The following PPP1R12B variants were observed in gnomAD, a reference collection of about 807,000 sequenced individuals.
The protein encoded by PPP1R12B is protein phosphatase 1 regulatory subunit 12B.
In PPP1R12B, 76 loss-of-function variants were observed where a neutral mutation model predicts 126.1. That is an observed-to-expected ratio of 0.60 (90% CI 0.50 to 0.73). PPP1R12B has a LOEUF of 0.73. Among genes scored for constraint, PPP1R12B ranks in the 30% least tolerant of loss-of-function variants. PPP1R12B has a pLI of 0.00. For synonymous variants in PPP1R12B, 356 were observed against 434.7 expected, an observed-to-expected ratio of 0.82 and a Z score of 2.25; for missense variants, 1,052 against 1,205.1, an observed-to-expected ratio of 0.87 and a Z score of 1.88.
At chr1:202,439,175 C>T in intron 10 of PPP1R12B, 1 of 1,569,384 alleles carries the variant, frequency 6.4e-7, no homozygotes, top group Non-Finnish European at 8.8e-7. Context: ...GGCGGCCTCG[C>T]AGCTGAAGCT....
At position 202,348,897 on chromosome 1, in the gene PPP1R12B, C is replaced by G. The variant is rs1655398308; in HGVS notation, c.46C>G (p.Arg16Gly). 5 of 1,610,624 alleles carry G rather than the reference C, an allele frequency of 3.1e-6. No individual in the cohort carries two copies. Among genetic ancestry groups the G allele is most frequent in the Non-Finnish European group, 4.2e-6 (5 of 1,179,260 alleles). ...AGGAGGGAAGCGGGCAGAGTCGGCGCGAATGCGGCGGGCAGAGCAGCTTCG... is the reference window on the plus strand; with the variant it reads ...AGGAGGGAAGCGGGCAGAGTCGGCGGGAATGCGGCGGGCAGAGCAGCTTCG... ...HLGGKRAESA[R>G]MRRAEQLRRW... is the part of the protein sequence containing the mutation. The change falls in exon 1 of 24, where the codon CGA (arginine) becomes GGA (glycine). Residue 16 changes from arginine to glycine, a missense_variant. By Grantham distance (125) the Arg-to-Gly change is moderately radical (BLOSUM62 -2). Transcript: ENST00000608999.
chr1:202,569,083 G>A, intron 22 of PPP1R12B, 64 bp from the exon 23 acceptor site: 1 of 1,538,768 alleles, frequency 6.5e-7, no homozygotes, highest in South Asian at 1.1e-5. Flanking sequence ...CAGCAGCTGG[G>A]AGGCAGCATT....
chr1:202,350,337 G>A (rs747095555), intron 1 of PPP1R12B, among the ~76,000 whole-genome samples: 1 of 152,118 alleles, frequency 6.6e-6, no homozygotes, highest in Non-Finnish European at 1.5e-5. Flanking sequence ...CTTACCCCAT[G>A]TGAGTTTCAG....
intron 1 of PPP1R12B, among the ~76,000 whole-genome samples, chr1:202,401,906 G>A (rs1397219551): frequency 6.6e-6 from 1 of 151,906 alleles, no homozygotes; most frequent in African/African-American, 2.4e-5. Flanking sequence ...TTGAAAGCAA[G>A]GTAACACACA....
chr1:202,420,539 C>G (rs1034224371), intron 2 of PPP1R12B, among the ~76,000 whole-genome samples: 6 of 152,142 alleles, frequency 3.9e-5, no homozygotes, highest in Non-Finnish European at 8.8e-5. Context: ...ATAGGGCACA[C>G]TTCAATCCAG....
At chr1:202,569,056 T>C (rs1270421143) in intron 22 of PPP1R12B, 91 bp from the exon 23 acceptor site, 2 of 1,404,454 alleles carry the variant, frequency 1.4e-6, no homozygotes, top group Non-Finnish European at 2.0e-6. Flanking sequence ...CCTTTGACCG[T>C]GAATCTGCTG....
rs1304867576 is a variant in PPP1R12B at position 202,458,369 on chromosome 1, G to A, written c.1850+9198G>A. Among the ~76,000 whole-genome samples, 4 of 108,686 alleles carry A rather than the reference G, an allele frequency of 3.7e-5. 1 individual carries two copies. Among genetic ancestry groups the A allele is most frequent in the Non-Finnish European group, 8.2e-5 (4 of 48,954 alleles). 71.3% of individuals were successfully genotyped at this position (108,686 alleles called of 152,430 possible). On this transcript the variant is annotated intron_variant, in intron 13 of 23. Transcript: ENST00000608999. ...GGACGTGGGAGTGGTTAGGGAATTT[G>A]CAGCATTTTCCAAATTTCTGAGTCC...
At position 202,528,020 on chromosome 1, in the gene PPP1R12B, C is replaced by G. The variant is rs1212009643; in HGVS notation, c.2491-30857C>G. On this transcript the variant is annotated intron_variant, in intron 18 of 23. Transcript: ENST00000608999. ...GTGCTCATCCTTCTGTGTGGACCAG[C>G]TTTGCTCTTTGATTCCAGTTATTTT... Among the ~76,000 whole-genome samples, 5 of 152,296 alleles carry G rather than the reference C, an allele frequency of 3.3e-5. No homozygotes were observed. The East Asian group carries it at 5.8e-4, about 18-fold the overall frequency.
At chr1:202,373,751 T>G (rs1166877812) in intron 1 of PPP1R12B, among the ~76,000 whole-genome samples, 2 of 152,072 alleles carry the variant, frequency 1.3e-5, no homozygotes, top group Non-Finnish European at 2.9e-5. Context: ...ATTAAGGAAT[T>G]TTCTTATTTC....
rs753463227 is a variant in PPP1R12B, at chr1:202,437,906, G to C, written c.1340G>C (p.Ser447Thr). ...SWRLGLRKTG[S>T]HNMLSEVANS... ...AGATTGGGACTGAGAAAAACTGGCA[G>C]CCACAACATGCTGAGTGAGGTGGCC... The change falls in exon 10 of 24, where the codon AGC becomes ACC. Residue 447 changes from serine (S) to threonine (T), a missense_variant. Transcript: ENST00000608999. 8 of 1,613,934 alleles carry C rather than the reference G, an allele frequency of 5.0e-6. No homozygotes were observed. The South Asian group carries it at 7.7e-5, about 16-fold the overall frequency.
At chr1:202,457,736 A>G (rs71524468) in intron 13 of PPP1R12B, among the ~76,000 whole-genome samples, 8,264 of 152,234 alleles carry the variant, frequency 0.054, 309 homozygotes, top group Non-Finnish European at 0.085. Flanking sequence ...TAGGGTGACA[A>G]GGAAGGCCTA....
chr1:202,442,406 G>A (rs772664401), intron 11 of PPP1R12B, 41 bp from the exon 12 acceptor site: 2 of 1,587,494 alleles, frequency 1.3e-6, no homozygotes, highest in Non-Finnish European at 1.7e-6. Context: ...AAAAACTGGT[G>A]GTAGGAATCA....
chr1:202,437,239 G>T (rs552742914), intron 9 of PPP1R12B, among the ~76,000 whole-genome samples: 136 of 152,182 alleles, frequency 8.9e-4, no homozygotes, highest in Non-Finnish European at 1.6e-3. Flanking sequence ...GGCTGAGGGG[G>T]AGGATTGCTT....
intron 18 of PPP1R12B, among the ~76,000 whole-genome samples, chr1:202,506,741 T>G (rs920538105): frequency 6.6e-6 from 1 of 152,240 alleles, no homozygotes; most frequent in Non-Finnish European, 1.5e-5. Flanking sequence ...CTTAAAACTC[T>G]GCTGGAGCTT....
At chr1:202,511,193 C>T (rs1681452735) in intron 18 of PPP1R12B, among the ~76,000 whole-genome samples, 1 of 150,450 alleles carries the variant, frequency 6.6e-6, no homozygotes, top group South Asian at 2.1e-4. Flanking sequence ...ACTCATCATG[C>T]AAGCAGTGTA....
intron 1 of PPP1R12B, among the ~76,000 whole-genome samples, chr1:202,415,520 C>T (rs1667951352): frequency 6.6e-6 from 1 of 152,178 alleles, no homozygotes; most frequent in Admixed American, 6.5e-5. Flanking sequence ...CCTGAATTAT[C>T]CCAATGGTTT....
At position 202,452,323 on chromosome 1, in the gene PPP1R12B, G is replaced by A. The variant is rs868684474; in HGVS notation, c.1850+3152G>A. Among the ~76,000 whole-genome samples the A allele has an allele frequency of 1.1e-4, 16 of 152,312 alleles. No homozygotes were observed. In the Middle Eastern group the frequency reaches 0.01, roughly 97 times the overall value. On this transcript the variant is annotated intron_variant, in intron 13 of 23. Transcript: ENST00000608999. ...GGCACCTCGGGAGGCCAAGGCTGGC[G>A]GATCACTCGCGGTTAGGAGCTGGAG...
At chr1:202,364,289 T>C (rs951978071) in intron 1 of PPP1R12B, among the ~76,000 whole-genome samples, 1 of 152,184 alleles carries the variant, frequency 6.6e-6, no homozygotes, top group Non-Finnish European at 1.5e-5. Flanking sequence ...TGATACCTTA[T>C]AGTTGTATTC....
intron 13 of PPP1R12B, among the ~76,000 whole-genome samples, chr1:202,459,261 A>G (rs1361337723): frequency 2.0e-5 from 3 of 152,016 alleles, no homozygotes; most frequent in African/African-American, 7.3e-5. Flanking sequence ...TTTTTTCTGT[A>G]TTTTCCAAAG....
Sources: allele counts gnomAD v4.1 joint callset (sites outside exome capture counted in the v4.1 genomes callset), GRCh38; gene constraint gnomAD v4.1.1; transcripts MANE v1.5; gene names NCBI Gene and HGNC (gene_info 2026-07-23, HGNC 2026-07-21).